Variants in PCTP observed in about 807,000 individuals in gnomAD.
PCTP encodes the protein START domain-containing protein 2.
A neutral mutation model predicts 31.0 loss-of-function variants in PCTP; 27 were observed. The ratio of observed to expected loss-of-function variants is 0.87; its 90% CI spans 0.64 to 1.20. The LOEUF (loss-of-function observed/expected upper bound fraction) is 1.20. PCTP is among the 50% of genes most tolerant of loss of function. The pLI, the probability that PCTP is intolerant of heterozygous loss-of-function variation, is 0.00. For missense variants in PCTP, 287 were observed against 268.2 expected (o/e 1.07, Z -0.49); for synonymous variants, 108 against 101.2 (o/e 1.07, Z -0.40).
chr17:55,768,018 C>T (rs931947272), intron 2 of PCTP, among the ~76,000 whole-genome samples: 1 of 149,542 alleles, frequency 6.7e-6, no homozygotes, highest in South Asian at 2.1e-4. Context: ...TGCTTGAACC[C>T]AAGAAGCAGA....
chr17:55,793,043 C>T (rs1033556265), intron 3 of PCTP, among the ~76,000 whole-genome samples: 2 of 152,094 alleles, frequency 1.3e-5, no homozygotes, highest in African/African-American at 4.8e-5. Context: ...CTCCATTTTG[C>T]AGATCACCTA....
downstream of PCTP, among the ~76,000 whole-genome samples, chr17:55,780,036 T>A (rs34502292): frequency 0.14 from 21,506 of 151,052 alleles, 1,589 homozygotes; most frequent in Middle Eastern, 0.2. Context: ...TGTAAGCAGG[T>A]CCACTTTCCC....
intron 1 of PCTP, among the ~76,000 whole-genome samples, chr17:55,760,814 C>G (rs1461698078): frequency 1.3e-5 from 2 of 152,110 alleles, no homozygotes; most frequent in African/African-American, 4.8e-5. Flanking sequence ...TCTGGGTGGC[C>G]TGGAGCAGGA....
chr17:55,792,920 G>T (rs1363048231), intron 3 of PCTP, among the ~76,000 whole-genome samples: 1 of 151,982 alleles, frequency 6.6e-6, no homozygotes, highest in Non-Finnish European at 1.5e-5. Context: ...CAATGGCTTT[G>T]CACCAAGGGT....
chr17:55,752,226 G>A (rs900543873), intron 1 of PCTP, among the ~76,000 whole-genome samples: 2 of 152,166 alleles, frequency 1.3e-5, no homozygotes, highest in African/African-American at 4.8e-5. Context: ...ATCAAATATA[G>A]TGTTTTTATA....
chr17:55,817,401 G>T (rs1912959659), intron 3 of PCTP, among the ~76,000 whole-genome samples: 1 of 152,226 alleles, frequency 6.6e-6, no homozygotes, highest in Non-Finnish European at 1.5e-5. Context: ...CACTGAGCTG[G>T]CATTGAGCCA....
chr17:55,790,281 A>G (rs1016778884), intron 3 of PCTP, among the ~76,000 whole-genome samples: 9 of 152,114 alleles, frequency 5.9e-5, no homozygotes, highest in African/African-American at 1.7e-4. Flanking sequence ...CCTATTCAAC[A>G]TAGTGTTGGA....
intron 1 of PCTP, among the ~76,000 whole-genome samples, chr17:55,761,793 A>G (rs1162756417): frequency 6.6e-6 from 1 of 151,928 alleles, no homozygotes; most frequent in Non-Finnish European, 1.5e-5. Flanking sequence ...CATTTTAGCA[A>G]CATTTATGTA....
Position 55,776,186 on chromosome 17 carries a change from T to G in PCTP, c.*86T>G. On this transcript the variant is annotated 3_prime_UTR_variant, in exon 6 of 6. Coordinates refer to ENST00000268896, the MANE Select transcript of PCTP (RefSeq NM_021213.4). Reference sequence around the variant, plus strand: ...TGTCTCTGGAAGTGCCACCTGGAAGTGCCACCTGGAAGTGTCTCTGGAAGA... The same window carrying G: ...TGTCTCTGGAAGTGCCACCTGGAAGGGCCACCTGGAAGTGTCTCTGGAAGA... 1 of 1,563,588 alleles carries G rather than the reference T, an allele frequency of 6.4e-7. No individual in the cohort carries two copies. The highest frequency in any genetic ancestry group is 8.7e-7 in the Non-Finnish European group (1 of 1,155,030).
Position 55,773,818 on chromosome 17 carries a change from A to G in PCTP, c.434A>G (p.Glu145Gly). Residue 145 changes from glutamate (E) to glycine (G), a missense_variant, in exon 4 of 6, where the codon GAG (glutamate) becomes GGG (glycine). Transcript: ENST00000268896. ...ARSTSMPQLG[E>G]RSGVIRVKQY... ...AGCACCTCCATGCCTCAGCTTGGCG[A>G]GAGGTCTGGGGTGATCCGGGTGAAG... 1 of 1,613,696 alleles carries G rather than the reference A, an allele frequency of 6.2e-7. No homozygotes were observed. Among genetic ancestry groups the G allele is most frequent in the Non-Finnish European group, 8.5e-7 (1 of 1,179,916 alleles).
At chr17:55,778,697 C>G (rs933947366), downstream of PCTP, among the ~76,000 whole-genome samples, 7 of 152,048 alleles carry the variant, frequency 4.6e-5, no homozygotes, top group African/African-American at 1.7e-4. Context: ...TAAGGGGTGG[C>G]TTTGCTGGTG....
chr17:55,789,987 G>C (rs1567722163), intron 3 of PCTP, among the ~76,000 whole-genome samples: 2 of 152,324 alleles, frequency 1.3e-5, no homozygotes, highest in East Asian at 3.9e-4. Context: ...TGGGATGCAA[G>C]CCTGGTTCAA....
chr17:55,779,003 C>T (rs1233108611), downstream of PCTP, among the ~76,000 whole-genome samples: 1 of 152,160 alleles, frequency 6.6e-6, no homozygotes, highest in Admixed American at 6.5e-5. Context: ...ATCTATAATG[C>T]CTGCCCTTCC....
chr17:55,773,764 G>A lies in PCTP; in HGVS notation c.380G>A (p.Gly127Glu). 6.2e-7 allele frequency: 1 copy of A among 1,613,972 alleles called. No individual in the cohort carries two copies. The highest frequency in any genetic ancestry group is 8.5e-7 in the Non-Finnish European group (1 of 1,179,948). Reference protein sequence around the residue: ...LRQRRDLDMEGRKIHVILARS... With the variant: ...LRQRRDLDMEERKIHVILARS... Reference sequence around the variant, plus strand: ...CAGCGGCGAGACCTGGACATGGAAGGGAGGAAGATCCATGTGATCCTGGCC... The same window carrying A: ...CAGCGGCGAGACCTGGACATGGAAGAGAGGAAGATCCATGTGATCCTGGCC... Residue 127 changes from glycine (G) to glutamate (E), a missense_variant, in exon 4 of 6, where the codon GGG becomes GAG. Physicochemically the swap from Gly to Glu is moderately conservative, Grantham distance 98. Coordinates refer to ENST00000268896, the MANE Select transcript of PCTP (RefSeq NM_021213.4).
At position 55,762,672 on chromosome 17, in the gene PCTP, C is replaced by G. The variant is rs139646386; in HGVS notation, c.142-4663C>G. On this transcript the variant is annotated intron_variant, in intron 1 of 5. Coordinates refer to ENST00000268896, the MANE Select transcript of PCTP (RefSeq NM_021213.4). Reference sequence around the variant, plus strand: ...GTCATTGATTTAGCATTCAGTGATGCCAGCAACCCTCTGAGTCTTTCTACT... The same window carrying G: ...GTCATTGATTTAGCATTCAGTGATGGCAGCAACCCTCTGAGTCTTTCTACT... Among the ~76,000 whole-genome samples, 613 of 152,192 alleles carry G rather than the reference C, an allele frequency of 4.0e-3. 3 individuals carry two copies. Among genetic ancestry groups the G allele is most frequent in the African/African-American group, 0.014 (594 of 41,518 alleles).
intron 1 of PCTP, among the ~76,000 whole-genome samples, chr17:55,751,759 C>G (rs1175959746): frequency 6.6e-6 from 1 of 152,110 alleles, no homozygotes; most frequent in East Asian, 1.9e-4. Flanking sequence ...GGTTGTTGCC[C>G]CTTCCTTCCA....
intron 5 of PCTP, among the ~76,000 whole-genome samples, chr17:55,841,776 A>G (rs531962795): frequency 3.9e-5 from 6 of 152,176 alleles, no homozygotes; most frequent in Admixed American, 1.3e-4. Context: ...TATGCAAATT[A>G]CTCATACAGA....
At chr17:55,772,600 A>G (rs1205280021) in intron 3 of PCTP, among the ~76,000 whole-genome samples, 6 of 150,406 alleles carry the variant, frequency 4.0e-5, no homozygotes, top group Admixed American at 4.0e-4. Flanking sequence ...AAAAAAAGAC[A>G]CTGAGGTGGG....
chr17:55,836,146 G>C (rs1905769147), intron 5 of PCTP, among the ~76,000 whole-genome samples: 1 of 152,182 alleles, frequency 6.6e-6, no homozygotes, highest in Non-Finnish European at 1.5e-5. Context: ...CCCTGAAGGA[G>C]AAGTAGGAGA....
Sources: gnomAD v4.1 joint callset for allele counts (sites outside exome capture counted in the v4.1 genomes callset) on GRCh38, gnomAD v4.1.1 for gene constraint, MANE v1.5 for transcripts, NCBI Gene and HGNC (gene_info 2026-07-23, HGNC 2026-07-21) for gene names.